Variants in NDRG2 observed in about 807,000 individuals in gnomAD.
NDRG2 encodes protein NDRG2.
Under a neutral mutation model 58.2 loss-of-function variants are expected in NDRG2, and 34 were observed. The observed-to-expected ratio is 0.58, with a 90% confidence interval of 0.44 to 0.78. The LOEUF (loss-of-function observed/expected upper bound fraction) is 0.78. Among genes scored for constraint, NDRG2 ranks in the 30% least tolerant of loss-of-function variants. The probability of loss-of-function intolerance (pLI) is 0.00; values close to 1 mark genes in which losing one functional copy is unlikely to be tolerated. For synonymous variants in NDRG2, 187 were observed against 175.9 expected, an observed-to-expected ratio of 1.06 and a Z score of -0.50; for missense variants, 434 against 471.2, an observed-to-expected ratio of 0.92 and a Z score of 0.73.
chr14:21,056,636 C>A (rs1377099144), intron 1 of NDRG2, among the ~76,000 whole-genome samples: 1 of 152,178 alleles, frequency 6.6e-6, no homozygotes, highest in Non-Finnish European at 1.5e-5. Context: ...GCACACACCA[C>A]CTAAAACCAC....
chr14:21,040,764 A>C (rs1387983293), intron 1 of NDRG2, among the ~76,000 whole-genome samples: 3 of 152,172 alleles, frequency 2.0e-5, no homozygotes, highest in African/African-American at 4.8e-5. Flanking sequence ...CTTCCTCCGG[A>C]TAATCACAAG....
intron 1 of NDRG2, chr14:21,031,117 C>A (rs148606055): frequency 1.5e-4 from 248 of 1,614,028 alleles, no homozygotes; most frequent in Non-Finnish European, 2.0e-4. Flanking sequence ...TCCTGGAGAA[C>A]ATTTATGGAC....
At chr14:21,055,056 T>A (rs1885614870) in intron 1 of NDRG2, among the ~76,000 whole-genome samples, 1 of 152,228 alleles carries the variant, frequency 6.6e-6, no homozygotes, top group Non-Finnish European at 1.5e-5. Context: ...CTAAGCATTT[T>A]ACCACTCGCC....
intron 1 of NDRG2, among the ~76,000 whole-genome samples, chr14:21,063,812 A>G (rs941411044): frequency 6.6e-5 from 10 of 152,226 alleles, no homozygotes; most frequent in Non-Finnish European, 1.3e-4. Flanking sequence ...TGGAAAGCTT[A>G]TAAACAATTT....
At chr14:21,066,623 C>T (rs948372969) in intron 1 of NDRG2, among the ~76,000 whole-genome samples, 9 of 152,292 alleles carry the variant, frequency 5.9e-5, no homozygotes, top group African/African-American at 1.9e-4. Context: ...CATGAGCCAC[C>T]GTGCCCAGCC....
chr14:21,052,159 G>A (rs1034894280), intron 1 of NDRG2, among the ~76,000 whole-genome samples: 3 of 152,186 alleles, frequency 2.0e-5, no homozygotes, highest in Non-Finnish European at 4.4e-5. Flanking sequence ...AGACTGAGAG[G>A]ATCAGAGTGA....
chr14:21,049,864 C>T (rs940489384), intron 1 of NDRG2, among the ~76,000 whole-genome samples: 2 of 151,220 alleles, frequency 1.3e-5, no homozygotes, highest in African/African-American at 4.9e-5. Context: ...AGCTTTTTGG[C>T]CTCCCAGGTT....
At chr14:21,059,446 C>G (rs1178353228) in intron 1 of NDRG2, among the ~76,000 whole-genome samples, 2 of 151,716 alleles carry the variant, frequency 1.3e-5, no homozygotes, top group Non-Finnish European at 2.9e-5. Flanking sequence ...ATATAAAATA[C>G]TCTGTCAAAT....
chr14:21,051,157 CTAATGTTTTCCT>C, intron 1 of NDRG2, among the ~76,000 whole-genome samples: 1 of 152,154 alleles, frequency 6.6e-6, no homozygotes, highest in Non-Finnish European at 1.5e-5. Context: ...TACACTGGCT[CTAATGTTTTCCT>C]TAACTTGCTC....
chr14:21,062,695 A>G (rs1886025510), intron 1 of NDRG2, among the ~76,000 whole-genome samples: 1 of 121,542 alleles, frequency 8.2e-6, no homozygotes, highest in African/African-American at 3.2e-5. Context: ...TGTAAACAAA[A>G]CAGGCTGGGC....
At chr14:21,038,739 G>T (rs74713430) in intron 1 of NDRG2, among the ~76,000 whole-genome samples, 3,346 of 152,290 alleles carry the variant, frequency 0.022, 56 homozygotes, top group Non-Finnish European at 0.034. Context: ...TAAATGGGGA[G>T]CTGGGAGGGC....
At chr14:21,025,585 G>A, upstream of NDRG2, 1 of 985,456 alleles carries the variant, frequency 1.0e-6, no homozygotes, top group Non-Finnish European at 1.2e-6. This position sits in a 1 kb window ranked among gnomAD's most constrained non-coding sequence, Gnocchi z 5.1. Flanking sequence ...CTCGCCGGCT[G>A]GCAGGGGCAG....
chr14:21,027,489 T>C (rs540643415), upstream of NDRG2, among the ~76,000 whole-genome samples: 9 of 152,218 alleles, frequency 5.9e-5, no homozygotes, highest in Non-Finnish European at 1.0e-4. Flanking sequence ...ATCAATCATT[T>C]GGACAGTAAG....
chr14:21,033,600 G>T (rs1429884044), intron 1 of NDRG2: 2 of 587,070 alleles, frequency 3.4e-6, no homozygotes. Context: ...ATGAGGAGGT[G>T]GGGGCGAAGA....
At position 21,024,999 on chromosome 14, in the gene NDRG2, C is replaced by G. The variant is rs1883101820; in HGVS notation, c.-976G>C. 3 of 986,028 alleles carry G rather than the reference C, an allele frequency of 3.0e-6. No homozygotes were observed. The Middle Eastern group carries it at 1.6e-3, about 514-fold the overall frequency. 61.1% of individuals were successfully genotyped at this position (986,028 alleles called of 1,614,324 possible). A position where few individuals can be genotyped will look rare whatever the true frequency, so the allele number is the denominator to read the frequency against. On this transcript the variant is annotated 5_prime_UTR_variant, in exon 1 of 16. Transcript: ENST00000556147. The stretch of plus-strand genomic sequence containing the variant: ...CGGCCCGGCTGGCGCCTTCCAGGCC[C>G]TACGGCCCCTCGCCTGCCCCTCCCC...
chr14:21,065,061 C>G (rs964094089), intron 1 of NDRG2, among the ~76,000 whole-genome samples: 1 of 151,898 alleles, frequency 6.6e-6, no homozygotes, highest in African/African-American at 2.4e-5. Context: ...ATCCCAGCTA[C>G]TTGGGAGGCT....
At chr14:21,052,232 G>A (rs977503113) in intron 1 of NDRG2, among the ~76,000 whole-genome samples, 18 of 152,366 alleles carry the variant, frequency 1.2e-4, no homozygotes, top group Admixed American at 5.9e-4. Flanking sequence ...CTGGCACTAT[G>A]AAGACAGAGA....
intron 1 of NDRG2, among the ~76,000 whole-genome samples, chr14:21,050,096 A>G (rs1163372673): frequency 6.6e-6 from 1 of 152,192 alleles, no homozygotes; most frequent in East Asian, 1.9e-4. Flanking sequence ...AGATCAAATC[A>G]TACATGGACT....
intron 1 of NDRG2, chr14:21,034,422 A>G (rs949925862): frequency 1.2e-5 from 8 of 680,966 alleles, no homozygotes; most frequent in Non-Finnish European, 1.7e-5. Context: ...CCAAGTTCTC[A>G]TGACCCAGAA....
Sources: gnomAD v4.1 joint callset for allele counts (sites outside exome capture counted in the v4.1 genomes callset) on GRCh38, gnomAD v4.1.1 for gene constraint, Gnocchi (gnomAD v3.1) non-coding constraint, MANE v1.5 for transcripts, NCBI Gene and HGNC (gene_info 2026-07-23, HGNC 2026-07-21) for gene names.